ATP2C1: variants seen among roughly 807,000 people sequenced by gnomAD.
ATP2C1 encodes the protein ATPase secretory pathway Ca2+ transporting 1.
Under a neutral mutation model 120.5 loss-of-function variants are expected in ATP2C1, and 31 were observed. The observed-to-expected ratio is 0.26, with a 90% CI of 0.19 to 0.35. The LOEUF is 0.35. Among genes scored for constraint, ATP2C1 ranks in the 10% least tolerant of loss-of-function variants. The pLI, the probability that ATP2C1 is intolerant of heterozygous loss-of-function variation, is 1.00. For missense variants in ATP2C1, 731 were observed against 1,107.5 expected (o/e 0.66, Z 4.83); for synonymous variants, 351 against 358.7 (o/e 0.98, Z 0.24).
intron 17 of ATP2C1, among the ~76,000 whole-genome samples, chr3:130,970,948 G>A (rs993044091): frequency 7.9e-5 from 12 of 152,082 alleles, no homozygotes; most frequent in South Asian, 4.1e-4. Flanking sequence ...AAAGATTTCC[G>A]TCTATTCTTT....
chr3:130,919,941 G>T (rs954388626), intron 2 of ATP2C1, among the ~76,000 whole-genome samples: 1 of 152,114 alleles, frequency 6.6e-6, no homozygotes, highest in Admixed American at 6.5e-5. Context: ...TTTCCCTAAT[G>T]GTTAATGATG....
At chr3:130,975,527 T>C (rs2061499125) in intron 18 of ATP2C1, 39 bp downstream of exon 18, 1 of 1,603,680 alleles carries the variant, frequency 6.2e-7, no homozygotes, top group Non-Finnish European at 8.5e-7. Context: ...GGTGGAAAGG[T>C]AGAGCCTTCT....
At chr3:131,011,133 C>T (rs1468067145) in intron 26 of ATP2C1, among the ~76,000 whole-genome samples, 1 of 152,154 alleles carries the variant, frequency 6.6e-6, no homozygotes, top group Admixed American at 6.5e-5. Context: ...TCTTTATCTT[C>T]TGAAATTCAA....
intron 12 of ATP2C1, chr3:130,963,756 A>G (rs1287067768): frequency 1.9e-6 from 1 of 529,290 alleles, no homozygotes; most frequent in Non-Finnish European, 3.4e-6. Context: ...AGGCAATTTG[A>G]TGTCAGAACC....
intron 1 of ATP2C1, among the ~76,000 whole-genome samples, chr3:130,857,992 G>C (rs1203093518): frequency 2.6e-5 from 4 of 152,174 alleles, no homozygotes; most frequent in Non-Finnish European, 4.4e-5. Flanking sequence ...CTGGTGTTAA[G>C]TCCAAGAGTC....
intron 8 of ATP2C1, among the ~76,000 whole-genome samples, chr3:130,947,978 T>C (rs1198537697): frequency 6.6e-6 from 1 of 152,228 alleles, no homozygotes; most frequent in Non-Finnish European, 1.5e-5. Flanking sequence ...CTCCCTCATC[T>C]TTGTTATTTT....
chr3:130,851,874 C>T lies in ATP2C1; in HGVS notation c.108+946C>T, dbSNP rs12486425. On this transcript the variant is annotated intron_variant, in intron 1 of 26. Transcript: ENST00000504381. The stretch of plus-strand genomic sequence containing the variant: ...CACCAGTGTCCTGTATTTTTTTCTC[C>T]TTTGTGATATGAGATGACCCACTTA... 2.8e-4 allele frequency among the ~76,000 whole-genome samples: 42 copies of T among 152,156 alleles called. 1 individual carries two copies. Among genetic ancestry groups the T allele is most frequent in the Admixed American group, 2.1e-3 (32 of 15,274 alleles).
At chr3:130,994,824 C>T (rs1353485540) in intron 22 of ATP2C1, among the ~76,000 whole-genome samples, 1 of 151,996 alleles carries the variant, frequency 6.6e-6, no homozygotes, top group African/African-American at 2.4e-5. Flanking sequence ...TGAGTTTTTT[C>T]TTTCCATTAT....
intron 1 of ATP2C1, among the ~76,000 whole-genome samples, chr3:130,871,396 T>G (rs532272699): frequency 1.3e-5 from 2 of 152,364 alleles, no homozygotes; most frequent in South Asian, 4.1e-4. Flanking sequence ...CCTAAAGGAC[T>G]AATTAAAACA....
intron 1 of ATP2C1, among the ~76,000 whole-genome samples, chr3:130,885,588 A>G (rs1046431354): frequency 7.1e-6 from 1 of 140,312 alleles, no homozygotes; most frequent in African/African-American, 2.5e-5. Flanking sequence ...AACTGATTGC[A>G]TAAACAAAAA....
At chr3:130,932,725 AC>A in intron 4 of ATP2C1, among the ~76,000 whole-genome samples, 1 of 152,190 alleles carries the variant, frequency 6.6e-6, no homozygotes, top group East Asian at 1.9e-4. Flanking sequence ...GTTACAGGTT[AC>A]TATGATTAGT....
chr3:130,958,860 A>G (rs2060693694), intron 11 of ATP2C1, among the ~76,000 whole-genome samples: 1 of 152,200 alleles, frequency 6.6e-6, no homozygotes, highest in Non-Finnish European at 1.5e-5. Context: ...GTTATGGAAA[A>G]TAAAGTTTTA....
At chr3:130,912,163 A>G (rs1323344811) in intron 2 of ATP2C1, among the ~76,000 whole-genome samples, 2 of 120,008 alleles carry the variant, frequency 1.7e-5, no homozygotes, top group African/African-American at 6.9e-5. Context: ...AAGAAAACCT[A>G]GGCATTACCA....
chr3:130,956,410 TA>T (rs1341905583), intron 11 of ATP2C1, among the ~76,000 whole-genome samples: 1 of 152,164 alleles, frequency 6.6e-6, no homozygotes, highest in African/African-American at 2.4e-5. Flanking sequence ...TTTGTCTTTC[TA>T]GTCTTCAACA....
chr3:130,940,748 G>C, intron 7 of ATP2C1, 57 bp downstream of exon 7: 1 of 1,251,300 alleles, frequency 8.0e-7, no homozygotes, highest in Admixed American at 1.7e-5. Flanking sequence ...AGTTGAATGT[G>C]ACTAGTACCG....
chr3:130,945,079 C>T (rs1161402108), intron 8 of ATP2C1, among the ~76,000 whole-genome samples: 1 of 152,074 alleles, frequency 6.6e-6, no homozygotes. Flanking sequence ...TCCACTGCTA[C>T]AGAGGGAGGA....
chr3:130,963,273 A>G (rs2060904577), intron 12 of ATP2C1: 1 of 152,166 alleles, frequency 6.6e-6, no homozygotes, highest in African/African-American at 2.4e-5. Flanking sequence ...ATCATGCCAG[A>G]AGAAAACCCT....
At chr3:130,987,666 CTT>C (rs1376749019) in intron 20 of ATP2C1, among the ~76,000 whole-genome samples, 1 of 152,318 alleles carries the variant, frequency 6.6e-6, no homozygotes, top group African/African-American at 2.4e-5. Context: ...GTTTGAATAA[CTT>C]TTATTATTGT....
intron 1 of ATP2C1, chr3:130,868,164 G>T (rs1370573281): frequency 3.3e-5 from 5 of 152,730 alleles, no homozygotes; most frequent in African/African-American, 1.2e-4. Flanking sequence ...CGGCCGGGAG[G>T]TGAGGGGCTC....
Sources: gnomAD v4.1 joint callset for allele counts (sites outside exome capture counted in the v4.1 genomes callset) on GRCh38, gnomAD v4.1.1 for gene constraint, MANE v1.5 for transcripts, NCBI Gene and HGNC (gene_info 2026-07-23, HGNC 2026-07-21) for gene names.